Variants in SCAPER observed in about 807,000 individuals in gnomAD.
SCAPER encodes the protein S phase cyclin A-associated protein in the endoplasmic reticulum.
A neutral mutation model predicts 182.2 loss-of-function variants in SCAPER; 98 were observed. The observed-to-expected ratio is 0.54, with a 90% CI of 0.46 to 0.64. The LOEUF is 0.64. Among genes scored for constraint, SCAPER ranks in the 30% least tolerant of loss-of-function variants. The pLI, the probability that SCAPER is intolerant of heterozygous loss-of-function variation, is 0.00. For synonymous variants in SCAPER, 605 were observed against 564.6 expected (o/e 1.07, Z -1.01); for missense variants, 1,432 against 1,690.0 (o/e 0.85, Z 2.68).
intron 27 of SCAPER, among the ~76,000 whole-genome samples, chr15:76,383,731 G>C (rs1006034844): frequency 1.3e-5 from 2 of 152,188 alleles, no homozygotes; most frequent in African/African-American, 4.8e-5. Context: ...ATCACCCAGG[G>C]CTTTTGACTG....
chr15:76,652,752 A>T (rs770379577), intron 21 of SCAPER, among the ~76,000 whole-genome samples: 3 of 151,850 alleles, frequency 2.0e-5, no homozygotes, highest in Non-Finnish European at 4.4e-5. Context: ...TATCTACGAT[A>T]AACCCACAGC....
intron 24 of SCAPER, among the ~76,000 whole-genome samples, chr15:76,489,873 C>CA (rs1433052139): frequency 1.3e-5 from 2 of 152,150 alleles, no homozygotes. Flanking sequence ...TTAGATACCT[C>CA]ATATAAACAA....
Position 76,440,287 on chromosome 15 carries a change from C to T in SCAPER, c.3079-5977G>A, listed in dbSNP as rs1445982270. Among the ~76,000 whole-genome samples the T allele has an allele frequency of 2.6e-5, 4 of 152,052 alleles. No individual in the cohort carries two copies. In the East Asian group the frequency reaches 5.8e-4, roughly 22 times the overall value. On this transcript the variant is annotated intron_variant, in intron 25 of 31. Transcript: ENST00000563290. ...AAGCCCTGAATCAAAATGTTTTCAGCGAAGTTAAATTAAAAGTCATTATAA... is the reference window on the plus strand; with the variant it reads ...AAGCCCTGAATCAAAATGTTTTCAGTGAAGTTAAATTAAAAGTCATTATAA...
intron 25 of SCAPER, among the ~76,000 whole-genome samples, chr15:76,453,902 G>T (rs1261486076): frequency 6.6e-6 from 1 of 152,160 alleles, no homozygotes; most frequent in Non-Finnish European, 1.5e-5. Flanking sequence ...TAAACTGACA[G>T]ATCAGTTATC....
intron 15 of SCAPER, among the ~76,000 whole-genome samples, chr15:76,734,016 TTAA>T (rs761218528): frequency 1.3e-5 from 2 of 152,196 alleles, no homozygotes; most frequent in East Asian, 3.8e-4. Flanking sequence ...AAAGTTCTAC[TTAA>T]TAACAGTGTA....
chr15:76,725,905 G>A (rs1464162589), intron 17 of SCAPER, among the ~76,000 whole-genome samples: 4 of 149,936 alleles, frequency 2.7e-5, no homozygotes, highest in Non-Finnish European at 5.9e-5. Flanking sequence ...AATCCAGGGA[G>A]AAAACTTCAC....
At chr15:76,904,744 G>GC (rs1454031719) in intron 1 of SCAPER, 2 of 152,262 alleles carry the variant, frequency 1.3e-5, no homozygotes, top group Non-Finnish European at 2.9e-5. Context: ...CTCAGCGCAC[G>GC]CATCTGGAAG....
At chr15:76,364,201 T>C (rs979429623) in intron 29 of SCAPER, among the ~76,000 whole-genome samples, 3 of 152,188 alleles carry the variant, frequency 2.0e-5, no homozygotes, top group Admixed American at 2.0e-4. Flanking sequence ...CTCCCAGATC[T>C]GCTTCTTCCA....
chr15:76,875,963 G>C (rs375893357), intron 2 of SCAPER, among the ~76,000 whole-genome samples: 2 of 152,112 alleles, frequency 1.3e-5, no homozygotes, highest in Non-Finnish European at 2.9e-5. Context: ...TGCAGGTCCC[G>C]AGCCCTGCCC....
At chr15:76,463,998 T>C (rs2049383715) in intron 25 of SCAPER, among the ~76,000 whole-genome samples, 1 of 128,160 alleles carries the variant, frequency 7.8e-6, no homozygotes, top group Non-Finnish European at 1.6e-5. Flanking sequence ...CAGTAGTACT[T>C]TCACTGGTCT....
intron 1 of SCAPER, among the ~76,000 whole-genome samples, chr15:76,897,615 G>A (rs2074509867): frequency 6.6e-6 from 1 of 152,114 alleles, no homozygotes; most frequent in Non-Finnish European, 1.5e-5. Context: ...ACTGAGGCAT[G>A]AGAATTGCTT....
At chr15:76,704,596 C>A (rs925340558) in intron 18 of SCAPER, among the ~76,000 whole-genome samples, 18 of 152,150 alleles carry the variant, frequency 1.2e-4, no homozygotes, top group African/African-American at 4.3e-4. Flanking sequence ...TTCCCCATTG[C>A]TTGTTTTTCT....
At chr15:76,425,112 C>T (rs867295622) in intron 26 of SCAPER, among the ~76,000 whole-genome samples, 12 of 152,242 alleles carry the variant, frequency 7.9e-5, no homozygotes, top group Middle Eastern at 3.4e-3. Context: ...TTGCTCTTCT[C>T]GAGGAGTATC....
At chr15:76,803,492 A>C (rs1371338032) in intron 6 of SCAPER, among the ~76,000 whole-genome samples, 4 of 152,212 alleles carry the variant, frequency 2.6e-5, no homozygotes, top group Non-Finnish European at 5.9e-5. Context: ...TCCTGTTAGA[A>C]ATGCACTTAG....
chr15:76,731,645 T>C (rs1038165272), intron 16 of SCAPER, among the ~76,000 whole-genome samples: 6 of 152,230 alleles, frequency 3.9e-5, no homozygotes, highest in Non-Finnish European at 8.8e-5. Flanking sequence ...AATTTTAATG[T>C]TATACATGTT....
chr15:76,458,584 TGTG>T (rs2048921751), intron 25 of SCAPER, among the ~76,000 whole-genome samples: 1 of 152,190 alleles, frequency 6.6e-6, no homozygotes, highest in African/African-American at 2.4e-5. Flanking sequence ...ATGGAGTACA[TGTG>T]GTATTTTGGT....
At chr15:76,436,602 T>A (rs1596609558) in intron 25 of SCAPER, among the ~76,000 whole-genome samples, 1 of 152,108 alleles carries the variant, frequency 6.6e-6, no homozygotes, top group Admixed American at 6.5e-5. Flanking sequence ...CTCATCTTTG[T>A]GAAATTATAC....
chr15:76,433,290 T>C (rs1448948612), intron 26 of SCAPER, among the ~76,000 whole-genome samples: 3 of 152,090 alleles, frequency 2.0e-5, no homozygotes, highest in Non-Finnish European at 4.4e-5. Context: ...GGTGGGTCAT[T>C]TGTGGTCAAG....
At chr15:76,820,707 T>G (rs2067472419) in intron 5 of SCAPER, among the ~76,000 whole-genome samples, 1 of 151,880 alleles carries the variant, frequency 6.6e-6, no homozygotes, top group Non-Finnish European at 1.5e-5. Context: ...ACCTGCACGT[T>G]GTGCACATGT....
Sources: gnomAD v4.1 joint callset for allele counts (sites outside exome capture counted in the v4.1 genomes callset) on GRCh38, gnomAD v4.1.1 for gene constraint, MANE v1.5 for transcripts, NCBI Gene and HGNC (gene_info 2026-07-23, HGNC 2026-07-21) for gene names.